Variants in TMEM178B observed in about 807,000 individuals in gnomAD.
TMEM178B encodes the protein transmembrane protein 178B.
TMEM178B carries 5 observed loss-of-function variants against 31.0 expected under a neutral mutation model. The ratio of observed to expected loss-of-function variants is 0.16; its 90% CI spans 0.08 to 0.34. The LOEUF is 0.34. Among genes scored for constraint, TMEM178B ranks in the 10% least tolerant of loss-of-function variants. The pLI, the probability that TMEM178B is intolerant of heterozygous loss-of-function variation, is 1.00. For synonymous variants in TMEM178B, 164 were observed against 164.0 expected (o/e 1.00, Z 0.00); for missense variants, 275 against 400.3 (o/e 0.69, Z 2.67).
chr7:141,114,537 A>C lies in TMEM178B; in HGVS notation c.382+39845A>C, dbSNP rs1393720590. ...AGGAGTCAACAGCTGTCAGGCCAACACTTGACCAGTGAATAGGAGCTGGTG... is the reference window on the plus strand; with the variant it reads ...AGGAGTCAACAGCTGTCAGGCCAACCCTTGACCAGTGAATAGGAGCTGGTG... On this transcript the variant is annotated intron_variant, in intron 1 of 3. Transcript: ENST00000565468. Among the ~76,000 whole-genome samples the C allele has an allele frequency of 2.0e-5, 3 of 152,266 alleles. No individual in the cohort carries two copies. The East Asian group carries it at 5.8e-4, about 29-fold the overall frequency.
chr7:141,094,463 A>T (rs1257727496), intron 1 of TMEM178B, among the ~76,000 whole-genome samples: 1 of 152,172 alleles, frequency 6.6e-6, no homozygotes, highest in East Asian at 1.9e-4. Context: ...GGTGGTTTGC[A>T]TTTGCTTTAT....
chr7:141,303,888 A>G (rs925955883), intron 2 of TMEM178B, among the ~76,000 whole-genome samples: 1 of 152,212 alleles, frequency 6.6e-6, no homozygotes, highest in Non-Finnish European at 1.5e-5. Flanking sequence ...ATATTGCTCT[A>G]TGTAATCCTT....
intron 2 of TMEM178B, among the ~76,000 whole-genome samples, chr7:141,407,475 C>T (rs1244689264): frequency 6.6e-6 from 1 of 152,186 alleles, no homozygotes; most frequent in Non-Finnish European, 1.5e-5. Flanking sequence ...AATAGTAATA[C>T]TGCATTAGAA....
chr7:141,505,330 C>A, the TMEM178B span, among the ~76,000 whole-genome samples: 1,558 of 152,324 alleles, frequency 0.01, 23 homozygotes, highest in African/African-American at 0.035. Flanking sequence ...GTGAGAATGA[C>A]CAAGTCAAAA....
chr7:141,268,958 G>A (rs1035377805), intron 2 of TMEM178B, among the ~76,000 whole-genome samples: 9 of 152,150 alleles, frequency 5.9e-5, no homozygotes, highest in African/African-American at 9.7e-5. Flanking sequence ...CCTCTACCAC[G>A]GCAATGCTCT....
In TMEM178B at chr7:141,344,562, TTCCTCCC is replaced by T. The variant is rs1339782361; in HGVS notation, c.497-93037_497-93031del. Among the ~76,000 whole-genome samples, 4 of 148,274 alleles carry T rather than the reference TTCCTCCC, an allele frequency of 2.7e-5. No individual in the cohort carries two copies. Among genetic ancestry groups the T allele is most frequent in the Non-Finnish European group, 5.9e-5 (4 of 67,358 alleles). On this transcript the variant is annotated intron_variant, in intron 2 of 3. Coordinates refer to ENST00000565468, the MANE Select transcript of TMEM178B (RefSeq NM_001195278.2). The surrounding 1 kb of genome is among the most constrained non-coding windows in gnomAD (Gnocchi z 4.1). ...TTTAGTTTCTCCCTCCCTCCCTCCA[TTCCTCCC>T]TCCTCCCTTCCTTCCTTCCTTCCTT...
intron 1 of TMEM178B, among the ~76,000 whole-genome samples, chr7:141,088,091 G>A (rs1475023342): frequency 6.6e-6 from 1 of 152,146 alleles, no homozygotes; most frequent in African/African-American, 2.4e-5. Context: ...GCTCTGCGGG[G>A]AGGGAGACAT....
intron 1 of TMEM178B, among the ~76,000 whole-genome samples, chr7:141,086,731 G>A (rs558748423): frequency 2.6e-5 from 4 of 152,046 alleles, no homozygotes; most frequent in Non-Finnish European, 5.9e-5. Context: ...ATGGAGTCTT[G>A]CTGTGTCACC....
intron 1 of TMEM178B, among the ~76,000 whole-genome samples, chr7:141,206,601 G>T (rs185532489): frequency 6.6e-6 from 1 of 152,140 alleles, no homozygotes; most frequent in Non-Finnish European, 1.5e-5. Context: ...GCCAAAGGCC[G>T]CATCATCTCT....
In TMEM178B at chr7:141,181,232, A is replaced by C. The variant is rs10237723; in HGVS notation, c.383-31359A>C. Among the ~76,000 whole-genome samples, 248 of 152,378 alleles carry C rather than the reference A, an allele frequency of 1.6e-3. 2 individuals carry two copies. Among genetic ancestry groups the C allele is most frequent in the African/African-American group, 5.7e-3 (239 of 41,592 alleles). ...ATGATGTGTTCATAAATACATCTTC[A>C]AATGTATCATTAGATTGTAAGCCCT... On this transcript the variant is annotated intron_variant, in intron 1 of 3. Coordinates refer to ENST00000565468, the MANE Select transcript of TMEM178B (RefSeq NM_001195278.2).
chr7:141,503,338 C>T, the TMEM178B span, among the ~76,000 whole-genome samples: 7 of 152,214 alleles, frequency 4.6e-5, no homozygotes, highest in East Asian at 9.6e-4. Context: ...AAGGCCTCAA[C>T]GAGTAAGTAC....
chr7:141,206,202 T>C (rs1035741267), intron 1 of TMEM178B, among the ~76,000 whole-genome samples: 1 of 152,204 alleles, frequency 6.6e-6, no homozygotes, highest in Non-Finnish European at 1.5e-5. Flanking sequence ...CTTAGAAGAC[T>C]TGAGATGGAG....
intron 2 of TMEM178B, 80 bp downstream of exon 2, chr7:141,212,784 C>T: frequency 8.9e-7 from 1 of 1,128,804 alleles, no homozygotes; most frequent in African/African-American, 1.5e-5. Flanking sequence ...GATGTGCCTC[C>T]TTCTGGGATC....
chr7:141,326,536 G>C (rs1269911094), intron 2 of TMEM178B, among the ~76,000 whole-genome samples: 1 of 152,280 alleles, frequency 6.6e-6, no homozygotes, highest in African/African-American at 2.4e-5. Context: ...CCTGGGAATC[G>C]AATGTTCCTA....
chr7:141,121,648 G>A (rs761502081), intron 1 of TMEM178B, among the ~76,000 whole-genome samples: 2 of 152,090 alleles, frequency 1.3e-5, no homozygotes, highest in Non-Finnish European at 2.9e-5. Flanking sequence ...CTTGCCTGAC[G>A]GTTTGATTGG....
intron 2 of TMEM178B, among the ~76,000 whole-genome samples, chr7:141,237,844 C>T (rs1347894363): frequency 1.3e-5 from 2 of 151,808 alleles, no homozygotes; most frequent in Admixed American, 6.6e-5. Flanking sequence ...GCCAACATGG[C>T]GAAACCCCGT....
At chr7:141,454,318 T>C (rs1801921999) in intron 3 of TMEM178B, among the ~76,000 whole-genome samples, 2 of 151,900 alleles carry the variant, frequency 1.3e-5, no homozygotes, top group African/African-American at 4.8e-5. Context: ...TCTCCTCTCT[T>C]TAGGAGGATG....
chr7:141,428,412 A>C (rs2116664602), intron 2 of TMEM178B, among the ~76,000 whole-genome samples: 1 of 151,996 alleles, frequency 6.6e-6, no homozygotes, highest in African/African-American at 2.4e-5. Flanking sequence ...AGAAAAAGAA[A>C]ACAGATGAAG....
chr7:141,229,561 A>G (rs771863604), intron 2 of TMEM178B, among the ~76,000 whole-genome samples: 1 of 152,154 alleles, frequency 6.6e-6, no homozygotes, highest in Non-Finnish European at 1.5e-5. Flanking sequence ...CATAATTATT[A>G]TAGAAAAAAA....
Sources: allele counts gnomAD v4.1 joint callset (sites outside exome capture counted in the v4.1 genomes callset), GRCh38; gene constraint gnomAD v4.1.1; non-coding constraint Gnocchi (gnomAD v3.1); transcripts MANE v1.5; gene names NCBI Gene and HGNC (gene_info 2026-07-23, HGNC 2026-07-21).